The following ERAP1 variants were observed in gnomAD, a reference collection of about 807,000 sequenced individuals.
ERAP1 encodes the protein adipocyte-derived leucine aminopeptidase.
In ERAP1, 86 loss-of-function variants were observed where a neutral mutation model predicts 103.7. That is an observed-to-expected ratio of 0.83 (90% confidence interval 0.70 to 0.99). The LOEUF (loss-of-function observed/expected upper bound fraction) is 0.99. Among genes scored for constraint, ERAP1 ranks in the 50% least tolerant of loss-of-function variants. The probability of loss-of-function intolerance (pLI) is 0.00; values close to 1 mark genes in which losing one functional copy is unlikely to be tolerated. For synonymous variants in ERAP1, 398 were observed against 402.4 expected (o/e 0.99, Z 0.13); for missense variants, 1,009 against 1,128.4 (o/e 0.89, Z 1.52).
chr5:96,917,353 TCAATTGATCTGCC>T, the ERAP1 span: 1 of 937,000 alleles, frequency 1.1e-6, no homozygotes, highest in Non-Finnish European at 1.6e-6. Flanking sequence ...ACTCCTGAGC[TCAATTGATCTGCC>T]CACCTTGGCC....
chr5:96,826,954 T>C, the ERAP1 span, among the ~76,000 whole-genome samples: 4 of 152,188 alleles, frequency 2.6e-5, no homozygotes, highest in African/African-American at 4.8e-5. Flanking sequence ...GGAATAGCTA[T>C]AAAAATAATC....
chr5:96,918,020 G>A, the ERAP1 span: 1 of 152,108 alleles, frequency 6.6e-6, no homozygotes, highest in Non-Finnish European at 1.5e-5. Context: ...CTCAAGTCAA[G>A]AGCTGTGGAT....
chr5:96,834,808 C>A, the ERAP1 span, among the ~76,000 whole-genome samples: 1 of 152,138 alleles, frequency 6.6e-6, no homozygotes, highest in Non-Finnish European at 1.5e-5. Context: ...TGGTGTTTAA[C>A]CTCTACTGTA....
the ERAP1 span, among the ~76,000 whole-genome samples, chr5:96,860,751 G>A: frequency 6.6e-6 from 1 of 152,110 alleles, no homozygotes; most frequent in African/African-American, 2.4e-5. Context: ...ATGCACATTT[G>A]TCAGTTGGTT....
the ERAP1 span, chr5:96,814,409 G>C: frequency 2.2e-6 from 1 of 444,934 alleles, no homozygotes; most frequent in Non-Finnish European, 4.5e-6. Context: ...ACTGCACATT[G>C]AAGATATTTC....
the ERAP1 span, among the ~76,000 whole-genome samples, chr5:96,889,013 T>C: frequency 1.3e-5 from 2 of 152,198 alleles, no homozygotes; most frequent in African/African-American, 4.8e-5. Flanking sequence ...CAAGACTGAC[T>C]TTTGCTTTAA....
At chr5:96,886,000 A>C in the ERAP1 span, among the ~76,000 whole-genome samples, 2 of 152,244 alleles carry the variant, frequency 1.3e-5, no homozygotes, top group African/African-American at 4.8e-5. Context: ...AAGCAAAGAT[A>C]AAATAAGACC....
chr5:96,895,894 A>G, the ERAP1 span, among the ~76,000 whole-genome samples: 1 of 152,164 alleles, frequency 6.6e-6, no homozygotes, highest in Non-Finnish European at 1.5e-5. Flanking sequence ...TGGGATATAT[A>G]TTTAGTCCAG....
chr5:96,774,620 A>ATAT lies in ERAP1; in HGVS notation c.*1773_*1775dup. The ATAT allele has an allele frequency of 1.0e-6, 1 of 985,512 alleles. No homozygotes were observed. Among genetic ancestry groups the ATAT allele is most frequent in the African/African-American group, 1.7e-5 (1 of 57,362 alleles). 61.0% of individuals were successfully genotyped at this position (985,512 alleles called of 1,614,324 possible). On this transcript the variant is annotated 3_prime_UTR_variant, in exon 19 of 19. Coordinates refer to ENST00000443439, the MANE Select transcript of ERAP1 (RefSeq NM_001040458.3). ...CTCAGGTGACCAAAACTGAAAATCA[A>ATAT]TATTTCCATGTTTCATTAATCAAGG...
chr5:96,905,469 G>C, the ERAP1 span, among the ~76,000 whole-genome samples: 1 of 152,094 alleles, frequency 6.6e-6, no homozygotes, highest in African/African-American at 2.4e-5. Context: ...TATAACAAAA[G>C]TAATTGTATA....
chr5:96,883,079 A>T, the ERAP1 span, among the ~76,000 whole-genome samples: 9 of 152,182 alleles, frequency 5.9e-5, no homozygotes. Context: ...AGAGAACTAG[A>T]AGTACCTGGG....
chr5:96,815,408 T>TTTTTTG, the ERAP1 span, among the ~76,000 whole-genome samples: 2 of 65,328 alleles, frequency 3.1e-5, no homozygotes, highest in African/African-American at 4.7e-5. Flanking sequence ...GTTTGTTTTG[T>TTTTTTG]TTTTTATTTT....
chr5:96,798,392 A>C (rs1263700295), intron 3 of ERAP1, among the ~76,000 whole-genome samples: 1 of 151,234 alleles, frequency 6.6e-6, no homozygotes, highest in Non-Finnish European at 1.5e-5. Context: ...GTGCAATCAG[A>C]GAGTAAGGGT....
chr5:96,882,860 CCTCTCT>C, the ERAP1 span, among the ~76,000 whole-genome samples: 1 of 152,090 alleles, frequency 6.6e-6, no homozygotes, highest in Non-Finnish European at 1.5e-5. Context: ...TCCCTCCTGA[CCTCTCT>C]CTCCCTCTTA....
the ERAP1 span, among the ~76,000 whole-genome samples, chr5:96,916,640 A>AT: frequency 1.6e-4 from 24 of 147,308 alleles, no homozygotes; most frequent in East Asian, 1.8e-3. Context: ...ATTTTTTTGT[A>AT]TTTTTTTTTA....
chr5:96,860,318 TG>T, the ERAP1 span, among the ~76,000 whole-genome samples: 1 of 152,162 alleles, frequency 6.6e-6, no homozygotes, highest in African/African-American at 2.4e-5. Flanking sequence ...CCTCCCAAAG[TG>T]CTGGGATTAC....
At chr5:96,862,593 A>G in the ERAP1 span, among the ~76,000 whole-genome samples, 1 of 152,296 alleles carries the variant, frequency 6.6e-6, no homozygotes, top group Non-Finnish European at 1.5e-5. Flanking sequence ...GTGGTTATGA[A>G]TAAGGGGCAT....
At chr5:96,908,174 T>C in the ERAP1 span, among the ~76,000 whole-genome samples, 5 of 152,144 alleles carry the variant, frequency 3.3e-5, no homozygotes, top group African/African-American at 1.2e-4. Context: ...CTGGAATCAG[T>C]TTCCACATCA....
chr5:96,788,865 C>A (rs949743632), intron 10 of ERAP1, among the ~76,000 whole-genome samples, 180 bp from the exon 11 acceptor site: 2 of 152,224 alleles, frequency 1.3e-5, no homozygotes, highest in African/African-American at 2.4e-5. Flanking sequence ...AGAGCACCAG[C>A]TGTTTGCTTG....
Sources: allele counts gnomAD v4.1 joint callset (sites outside exome capture counted in the v4.1 genomes callset), GRCh38; gene constraint gnomAD v4.1.1; transcripts MANE v1.5; gene names NCBI Gene and HGNC (gene_info 2026-07-23, HGNC 2026-07-21).